The following FGF12 variants were observed in gnomAD, a reference collection of about 807,000 sequenced individuals.
FGF12 encodes fibroblast growth factor 12B.
A neutral mutation model predicts 23.6 loss-of-function variants in FGF12; 14 were observed. The ratio of observed to expected loss-of-function variants is 0.59; its 90% confidence interval spans 0.39 to 0.93. The LOEUF (loss-of-function observed/expected upper bound fraction) is 0.93. FGF12 is among the 40% of genes least tolerant of loss of function. The pLI, the probability that FGF12 is intolerant of heterozygous loss-of-function variation, is 0.00. For missense variants in FGF12, 175 were observed against 217.8 expected, an observed-to-expected ratio of 0.80 and a Z score of 1.24; for synonymous variants, 62 against 77.3, an observed-to-expected ratio of 0.80 and a Z score of 1.04.
intron 2 of FGF12, among the ~76,000 whole-genome samples, chr3:192,580,051 C>A (rs553223383): frequency 6.6e-6 from 1 of 152,310 alleles, no homozygotes; most frequent in South Asian, 2.1e-4. Context: ...AAATAACTTA[C>A]AATCTGGGAG....
chr3:192,311,998 C>A (rs1411985616), intron 4 of FGF12, among the ~76,000 whole-genome samples: 9 of 149,626 alleles, frequency 6.0e-5, no homozygotes, highest in Admixed American at 6.0e-4. Flanking sequence ...TCATTTGCAC[C>A]CTTTCAATTA....
At chr3:192,440,240 A>G (rs1722165185) in intron 2 of FGF12, among the ~76,000 whole-genome samples, 1 of 152,206 alleles carries the variant, frequency 6.6e-6, no homozygotes, top group African/African-American at 2.4e-5. Context: ...CAGGAAATCT[A>G]TTGAATGGTT....
Position 192,631,145 on chromosome 3 carries a change from G to C in FGF12, c.13+96036C>G, listed in dbSNP as rs947336520. On this transcript the variant is annotated intron_variant, in intron 2 of 5. Coordinates refer to ENST00000445105, the MANE Select transcript of FGF12 (RefSeq NM_004113.6). ...TTTTTGCCTTTGTTCTTATGAGAAGGATCTTTTTTTGCTAACCTGCTTCAG... is the reference window on the plus strand; with the variant it reads ...TTTTTGCCTTTGTTCTTATGAGAAGCATCTTTTTTTGCTAACCTGCTTCAG... Among the ~76,000 whole-genome samples, 4 of 152,108 alleles carry C rather than the reference G, an allele frequency of 2.6e-5. No individual in the cohort carries two copies. In the South Asian group the frequency reaches 8.3e-4, roughly 32 times the overall value.
At chr3:192,192,952 AG>A (rs1246759091) in intron 4 of FGF12, among the ~76,000 whole-genome samples, 1 of 152,198 alleles carries the variant, frequency 6.6e-6, no homozygotes, top group Non-Finnish European at 1.5e-5. Flanking sequence ...TGTAAGCAGC[AG>A]TGTCAAGAAT....
chr3:192,426,363 A>C (rs948727480), intron 2 of FGF12, among the ~76,000 whole-genome samples: 1 of 152,222 alleles, frequency 6.6e-6, no homozygotes, highest in African/African-American at 2.4e-5. Context: ...GATGAGCCTC[A>C]TAGTATTGTC....
intron 2 of FGF12, among the ~76,000 whole-genome samples, chr3:192,703,851 A>G (rs1718381276): frequency 6.6e-6 from 1 of 152,192 alleles, no homozygotes; most frequent in Admixed American, 6.5e-5. Context: ...ACAGGATTGC[A>G]TGACTGTGCC....
intron 2 of FGF12, among the ~76,000 whole-genome samples, chr3:192,713,493 C>T (rs1043484673): frequency 3.3e-5 from 5 of 152,088 alleles, no homozygotes; most frequent in Non-Finnish European, 7.4e-5. Context: ...AAATGTTATG[C>T]ATGAGAGATT....
intron 2 of FGF12, among the ~76,000 whole-genome samples, chr3:192,522,325 TTAGA>T (rs1406795902): frequency 1.3e-5 from 2 of 152,068 alleles, no homozygotes; most frequent in East Asian, 1.9e-4. Flanking sequence ...AGGATATGAA[TTAGA>T]TAGAAGATAT....
intron 2 of FGF12, among the ~76,000 whole-genome samples, chr3:192,700,342 T>A (rs57712136): frequency 6.6e-6 from 1 of 152,200 alleles, no homozygotes; most frequent in African/African-American, 2.4e-5. Flanking sequence ...GCCACAGTTA[T>A]TGAAATTTAA....
Position 192,386,552 on chromosome 3 carries a change from A to G in FGF12, c.14-26014T>C, listed in dbSNP as rs1287217889. On this transcript the variant is annotated intron_variant, in intron 2 of 5. Transcript: ENST00000445105. ...TTTAAAAAAAAGTATTATAATTTAAAGTTCTGTCTCCCAGCTGGAATCCAG... is the reference window on the plus strand; with the variant it reads ...TTTAAAAAAAAGTATTATAATTTAAGGTTCTGTCTCCCAGCTGGAATCCAG... Among the ~76,000 whole-genome samples the G allele has an allele frequency of 2.0e-5, 3 of 152,332 alleles. 1 individual carries two copies. The highest frequency in any genetic ancestry group is 2.9e-5 in the Non-Finnish European group (2 of 68,034).
intron 2 of FGF12, among the ~76,000 whole-genome samples, chr3:192,581,567 T>C (rs2108614585): frequency 6.6e-6 from 1 of 151,470 alleles, no homozygotes; most frequent in East Asian, 1.9e-4. Context: ...TTAGAGATTC[T>C]AAAATTTCTT....
At chr3:192,415,365 C>A (rs1225304959) in intron 2 of FGF12, among the ~76,000 whole-genome samples, 1 of 152,072 alleles carries the variant, frequency 6.6e-6, no homozygotes, top group Admixed American at 6.5e-5. Context: ...TGTTTACTTT[C>A]TTATCTCTAG....
At chr3:192,435,866 A>T (rs1722008140) in intron 2 of FGF12, among the ~76,000 whole-genome samples, 1 of 152,222 alleles carries the variant, frequency 6.6e-6, no homozygotes, top group South Asian at 2.1e-4. Context: ...TCACATTTTC[A>T]GAAGCATAAA....
intron 2 of FGF12, among the ~76,000 whole-genome samples, chr3:192,397,961 T>C (rs1481935828): frequency 6.6e-6 from 1 of 152,174 alleles, no homozygotes; most frequent in Non-Finnish European, 1.5e-5. Flanking sequence ...AAAAAACTCT[T>C]TATGAACTTT....
intron 2 of FGF12, among the ~76,000 whole-genome samples, chr3:192,690,173 AC>A (rs1371478615): frequency 6.6e-6 from 1 of 152,040 alleles, no homozygotes; most frequent in Non-Finnish European, 1.5e-5. Context: ...TTGGGATGAA[AC>A]AAAAGGCTTA....
At chr3:192,554,615 T>C (rs1711681413) in intron 2 of FGF12, among the ~76,000 whole-genome samples, 1 of 152,090 alleles carries the variant, frequency 6.6e-6, no homozygotes, top group Admixed American at 6.5e-5. Flanking sequence ...ATATGGCTAT[T>C]TTTTCAAATG....
intron 2 of FGF12, among the ~76,000 whole-genome samples, chr3:192,621,690 C>CAAAAAAAAA (rs5855441): frequency 4.2e-3 from 396 of 93,466 alleles, no homozygotes; most frequent in African/African-American, 4.8e-3. Flanking sequence ...GATACAAATA[C>CAAAAAAAAA]AAAAAAAAAA....
At chr3:192,253,305 C>T (rs889350742) in intron 4 of FGF12, among the ~76,000 whole-genome samples, 3 of 151,714 alleles carry the variant, frequency 2.0e-5, no homozygotes, top group Admixed American at 6.6e-5. Context: ...GGAACTAATC[C>T]TATTAAAGAA....
chr3:192,277,361 T>C (rs1577311699), intron 4 of FGF12, among the ~76,000 whole-genome samples: 1 of 151,748 alleles, frequency 6.6e-6, no homozygotes, highest in Non-Finnish European at 1.5e-5. Flanking sequence ...ATTACTTTTA[T>C]TGGGCTGAAT....
Sources: gnomAD v4.1 joint callset for allele counts (sites outside exome capture counted in the v4.1 genomes callset) on GRCh38, gnomAD v4.1.1 for gene constraint, MANE v1.5 for transcripts, NCBI Gene and HGNC (gene_info 2026-07-23, HGNC 2026-07-21) for gene names.